Variants in SYTL2 observed in about 807,000 individuals in gnomAD.
SYTL2 encodes the protein synaptotagmin-like protein 2.
In SYTL2, 165 loss-of-function variants were observed where a neutral mutation model predicts 198.7. That is an observed-to-expected ratio of 0.83 (90% confidence interval 0.73 to 0.94). SYTL2 has a LOEUF of 0.94. SYTL2 is among the 40% of genes least tolerant of loss of function. SYTL2 has a pLI of 0.00. For synonymous variants in SYTL2, 966 were observed against 917.7 expected (o/e 1.05, Z -0.95); for missense variants, 2,835 against 2,582.8 (o/e 1.10, Z -2.12).
chr11:85,796,226 T>A (rs2092802006), intron 1 of SYTL2, among the ~76,000 whole-genome samples: 1 of 152,176 alleles, frequency 6.6e-6, no homozygotes. Context: ...CAAGTCTAAT[T>A]TTTCTTATCT....
In SYTL2 at chr11:85,725,221, T is replaced by C. The variant is rs1447158099; in HGVS notation, c.4137A>G (p.Gly1379=). The C allele has an allele frequency of 1.9e-6, 3 of 1,614,148 alleles. No individual in the cohort carries two copies. Among genetic ancestry groups the C allele is most frequent in the South Asian group, 1.1e-5 (1 of 91,086 alleles). ...DVSAALQKLC[G]EVWLSYPAGR... is the part of the protein sequence containing the mutation. ...CAGCTGGATAACTTAACCATACTTC[T>C]CCACACAGCTTCTGTAATGCAGCAC... The change falls in exon 8 of 20, where the codon GGA becomes GGG. Residue 1379 remains glycine (G), a synonymous_variant. Coordinates refer to ENST00000359152, the MANE Select transcript of SYTL2 (RefSeq NM_206927.4).
Position 85,725,849 on chromosome 11 carries a change from G to T in SYTL2, c.3509C>A (p.Thr1170Lys), listed in dbSNP as rs755392290. The T allele has an allele frequency of 1.9e-6, 3 of 1,613,624 alleles. No individual in the cohort carries two copies. Among genetic ancestry groups the T allele is most frequent in the Non-Finnish European group, 2.5e-6 (3 of 1,179,918 alleles). ...AGCAAAATCTGTTTTTTGAGGCCAT[G>T]TCCTATTTTCAGAAACACTTGGTTC... The part of the protein sequence containing the change: ...VLEPSVSENR[T>K]WPQKTDFADT... The change falls in exon 8 of 20, where the codon ACA becomes AAA. Residue 1170 changes from threonine (T) to lysine (K), a missense_variant. By Grantham distance (78) the Thr-to-Lys change is moderately conservative. Coordinates refer to ENST00000359152, the MANE Select transcript of SYTL2 (RefSeq NM_206927.4).
intron 4 of SYTL2, among the ~76,000 whole-genome samples, chr11:85,743,510 A>T (rs2090946823): frequency 6.6e-6 from 1 of 152,192 alleles, no homozygotes; most frequent in Non-Finnish European, 1.5e-5. Context: ...CTTCCTGAGA[A>T]ATGCTGACTG....
chr11:85,752,088 C>T (rs57261225), intron 2 of SYTL2, among the ~76,000 whole-genome samples: 1 of 152,324 alleles, frequency 6.6e-6, no homozygotes, highest in African/African-American at 2.4e-5. Context: ...ATGTACACCT[C>T]AGCTTCCAGC....
Position 85,734,062 on chromosome 11 carries a change from A to C in SYTL2, c.1267T>G (p.Ser423Ala). The change falls in exon 7 of 20, where the codon TCT becomes GCT. Residue 423 changes from serine to alanine, a missense_variant. Coordinates refer to ENST00000359152, the MANE Select transcript of SYTL2 (RefSeq NM_206927.4). ...SGSFPINGLHSHSEVLTARPQ... is the reference protein window; with the variant it reads ...SGSFPINGLHAHSEVLTARPQ... The stretch of plus-strand genomic sequence containing the variant: ...CTTGCAGTTAAAACTTCTGAATGAG[A>C]ATGCAGCCCATTAATTGGAAAAGAA... The C allele has an allele frequency of 6.2e-7, 1 of 1,614,136 alleles. No homozygotes were observed. Among genetic ancestry groups the C allele is most frequent in the Non-Finnish European group, 8.5e-7 (1 of 1,179,952 alleles).
chr11:85,748,282 G>C lies in SYTL2; in HGVS notation c.243C>G (p.Pro81=), dbSNP rs775759868. The change falls in exon 3 of 20, where the codon CCC becomes CCG. Residue 81 remains proline (P), a synonymous_variant. Coordinates refer to ENST00000359152, the MANE Select transcript of SYTL2 (RefSeq NM_206927.4). The part of the protein sequence containing the change: ...IIRASMRKKR[P]QIAAEQSKDR... ...GCCAAGTCAACTCACCTGCTATCTG[G>C]GGCCTCTTCTTTCTCATAGATGCTC... 6.2e-7 allele frequency: 1 copy of C among 1,612,718 alleles called. No homozygotes were observed. Among genetic ancestry groups the C allele is most frequent in the Non-Finnish European group, 8.5e-7 (1 of 1,179,184 alleles).
At chr11:85,745,309 G>T (rs890124231) in intron 4 of SYTL2, among the ~76,000 whole-genome samples, 1 of 150,582 alleles carries the variant, frequency 6.6e-6, no homozygotes, top group Admixed American at 6.6e-5. Context: ...CTTATTCCTT[G>T]ATATTCAAAT....
At chr11:85,772,343 T>C (rs927734489) in intron 1 of SYTL2, among the ~76,000 whole-genome samples, 1 of 152,226 alleles carries the variant, frequency 6.6e-6, no homozygotes, top group African/African-American at 2.4e-5. Context: ...CAATAGGAAG[T>C]AGTATTCTAC....
intron 16 of SYTL2, among the ~76,000 whole-genome samples, chr11:85,703,564 A>C (rs1284017500): frequency 2.0e-5 from 3 of 152,210 alleles, no homozygotes; most frequent in Non-Finnish European, 2.9e-5. Flanking sequence ...TATGATACCA[A>C]GAAAATCTGA....
the SYTL2 span, among the ~76,000 whole-genome samples, chr11:85,825,973 A>G: frequency 2.6e-5 from 4 of 152,220 alleles, no homozygotes; most frequent in African/African-American, 9.6e-5. Flanking sequence ...ACGGAGAGAA[A>G]GAGTGTTTAA....
Position 85,697,962 on chromosome 11 carries a change from G to A in SYTL2, c.6368+17C>T. On this transcript the variant is annotated intron_variant, in intron 18 of 19. Coordinates refer to ENST00000359152, the MANE Select transcript of SYTL2 (RefSeq NM_206927.4). The stretch of plus-strand genomic sequence containing the variant: ...AGGCTACAGAACTGTTGCAGACAGA[G>A]TCATCAATACTATTACCATTTAACA... 6.5e-7 allele frequency: 1 copy of A among 1,541,116 alleles called. No individual in the cohort carries two copies. Among genetic ancestry groups the A allele is most frequent in the Non-Finnish European group, 9.0e-7 (1 of 1,114,172 alleles).
At chr11:85,846,707 G>A in the SYTL2 span, among the ~76,000 whole-genome samples, 22 of 149,472 alleles carry the variant, frequency 1.5e-4, no homozygotes, top group East Asian at 2.0e-3. Context: ...GATTACAGAG[G>A]TGAGTCACCA....
the SYTL2 span, among the ~76,000 whole-genome samples, chr11:85,835,168 T>C: frequency 2.0e-5 from 3 of 152,160 alleles, no homozygotes; most frequent in African/African-American, 7.2e-5. Flanking sequence ...TAAATATGGG[T>C]TTTATATTAA....
intron 4 of SYTL2, among the ~76,000 whole-genome samples, chr11:85,738,900 CTA>C (rs1330891161): frequency 6.6e-6 from 1 of 152,124 alleles, no homozygotes; most frequent in Non-Finnish European, 1.5e-5. Flanking sequence ...AGCAGAGTGT[CTA>C]TATCCTTCTC....
At chr11:85,719,549 A>T (rs1410462120) in intron 9 of SYTL2, among the ~76,000 whole-genome samples, 2 of 152,008 alleles carry the variant, frequency 1.3e-5, no homozygotes, top group Non-Finnish European at 2.9e-5. Context: ...CATCACCAAC[A>T]TCAGGAAAAA....
chr11:85,742,220 C>T (rs991497233), intron 4 of SYTL2, among the ~76,000 whole-genome samples: 1 of 152,186 alleles, frequency 6.6e-6, no homozygotes, highest in African/African-American at 2.4e-5. Context: ...CTTGAATGCT[C>T]TTCTCTCATA....
chr11:85,807,097 T>C (rs2092968885), intron 1 of SYTL2, among the ~76,000 whole-genome samples: 1 of 152,246 alleles, frequency 6.6e-6, no homozygotes, highest in East Asian at 1.9e-4. Flanking sequence ...GCCTCTGCCT[T>C]GCTTAGGGCA....
chr11:85,784,688 C>T (rs961426764), intron 1 of SYTL2, among the ~76,000 whole-genome samples: 5 of 152,134 alleles, frequency 3.3e-5, no homozygotes, highest in African/African-American at 1.2e-4. Context: ...TATCATCATG[C>T]AGCTTAACTT....
At position 85,717,661 on chromosome 11, in the gene SYTL2, T is replaced by G; in HGVS notation, c.5483-131A>C. 6 of 777,832 alleles carry G rather than the reference T, an allele frequency of 7.7e-6. No individual in the cohort carries two copies. In the South Asian group the frequency reaches 8.2e-5, roughly 11 times the overall value. 48.2% of individuals were successfully genotyped at this position (777,832 alleles called of 1,614,324 possible). A position where few individuals can be genotyped will look rare whatever the true frequency, so the allele number is the denominator to read the frequency against. ...ACATCTGACAGGTTTTCATCTTGCT[T>G]TCATCCATTCCTCACTGTGACTCTT... On this transcript the variant is annotated intron_variant, in intron 10 of 19. Transcript: ENST00000359152.
Sources: allele counts gnomAD v4.1 joint callset (sites outside exome capture counted in the v4.1 genomes callset), GRCh38; gene constraint gnomAD v4.1.1; transcripts MANE v1.5; gene names NCBI Gene and HGNC (gene_info 2026-07-23, HGNC 2026-07-21).